ZNF385D: variants seen among roughly 807,000 people sequenced by gnomAD.
The protein encoded by ZNF385D is zinc finger protein 385D.
A neutral mutation model predicts 35.8 loss-of-function variants in ZNF385D; 15 were observed. The observed-to-expected ratio is 0.42, with a 90% CI of 0.28 to 0.64. The LOEUF (loss-of-function observed/expected upper bound fraction) is 0.64. ZNF385D is among the 30% of genes least tolerant of loss of function. ZNF385D has a pLI of 0.23. For synonymous variants in ZNF385D, 212 were observed against 186.8 expected, an observed-to-expected ratio of 1.13 and a Z score of -1.10; for missense variants, 474 against 494.6, an observed-to-expected ratio of 0.96 and a Z score of 0.39.
intron 3 of ZNF385D, among the ~76,000 whole-genome samples, chr3:22,030,256 CATATAT>C (rs71044967): frequency 0.016 from 344 of 21,700 alleles, 3 homozygotes; most frequent in South Asian, 0.02. Context: ...TAAACTCATT[CATATAT>C]ATATATATAT....
In ZNF385D at chr3:21,420,857, T is replaced by TA. The variant is rs1340833452; in HGVS notation, c.*356dup. On this transcript the variant is annotated 3_prime_UTR_variant, in exon 8 of 8. Transcript: ENST00000281523. ...ATACATTGGAACCAGTTAATGCCCT[T>TA]AGACAATGTATAGTTGTTTCATAAA... 1 of 191,274 alleles carries TA rather than the reference T, an allele frequency of 5.2e-6. No homozygotes were observed. Among genetic ancestry groups the TA allele is most frequent in the Non-Finnish European group, 1.1e-5 (1 of 91,348 alleles). The allele number at this position is 191,274 out of a possible 1,614,324, so 11.8% of individuals were successfully genotyped here.
intron 3 of ZNF385D, among the ~76,000 whole-genome samples, chr3:22,037,597 T>G (rs1698414617): frequency 6.6e-6 from 1 of 152,160 alleles, no homozygotes; most frequent in African/African-American, 2.4e-5. Context: ...CATTGTAGAT[T>G]CTGGATATTA....
chr3:22,283,381 T>A (rs1701867605), intron 2 of ZNF385D, among the ~76,000 whole-genome samples: 1 of 152,168 alleles, frequency 6.6e-6, no homozygotes, highest in South Asian at 2.1e-4. Flanking sequence ...AGAATATACA[T>A]TCTATTCAAT....
intron 3 of ZNF385D, among the ~76,000 whole-genome samples, chr3:21,930,867 A>G (rs1248958327): frequency 3.9e-5 from 6 of 152,280 alleles, no homozygotes; most frequent in Middle Eastern, 3.4e-3. Context: ...TGAGATATAC[A>G]GGAGAAAAAA....
At chr3:22,325,609 C>A (rs6787220) in intron 2 of ZNF385D, among the ~76,000 whole-genome samples, 85,962 of 151,756 alleles carry the variant, frequency 0.57, 25,116 homozygotes, top group African/African-American at 0.68. Flanking sequence ...AATTATAAAA[C>A]TCAGCCGGGC....
intron 3 of ZNF385D, among the ~76,000 whole-genome samples, chr3:22,064,489 A>G (rs935942773): frequency 6.6e-6 from 1 of 152,128 alleles, no homozygotes; most frequent in African/African-American, 2.4e-5. Flanking sequence ...CTGTATTCCT[A>G]TGTTCCTTGC....
At chr3:21,566,205 A>C (rs894747468) in intron 2 of ZNF385D, among the ~76,000 whole-genome samples, 4 of 152,196 alleles carry the variant, frequency 2.6e-5, no homozygotes, top group East Asian at 3.9e-4. Context: ...AGTAGAACTC[A>C]TGGGCGTAAT....
At chr3:22,193,111 A>C (rs998269535) in intron 2 of ZNF385D, among the ~76,000 whole-genome samples, 5 of 152,216 alleles carry the variant, frequency 3.3e-5, no homozygotes, top group African/African-American at 1.2e-4. Context: ...TAGTTATCAC[A>C]AATTAAATTT....
chr3:22,158,965 A>G lies in ZNF385D; in HGVS notation c.325+9852T>C, dbSNP rs115995251. On this transcript the variant is annotated intron_variant, in intron 3 of 5. Coordinates refer to the ZNF385D transcript ENST00000494108. ...AAGGAAAACAAAAGTTAAAAAGCTTATACTTTCAAACCTAGAAAAGCAGAG... is the reference window on the plus strand; with the variant it reads ...AAGGAAAACAAAAGTTAAAAAGCTTGTACTTTCAAACCTAGAAAAGCAGAG... 2.6e-5 allele frequency among the ~76,000 whole-genome samples: 4 copies of G among 152,236 alleles called. No individual in the cohort carries two copies. In the East Asian group the frequency reaches 7.7e-4, roughly 29 times the overall value.
intron 7 of ZNF385D, 114 bp from the exon 8 acceptor site, chr3:21,421,561 G>C (rs1421452274): frequency 7.4e-6 from 5 of 678,148 alleles, no homozygotes; most frequent in Non-Finnish European, 1.2e-5. Flanking sequence ...AAAGAAAAAA[G>C]CTTCACACTT....
chr3:21,536,288 G>T (rs1272100179), intron 3 of ZNF385D, among the ~76,000 whole-genome samples: 2 of 152,086 alleles, frequency 1.3e-5, no homozygotes, highest in African/African-American at 4.8e-5. Flanking sequence ...TAAAACTAAT[G>T]TCCATGACCA....
chr3:21,970,902 G>C (rs1004057810), intron 3 of ZNF385D, among the ~76,000 whole-genome samples: 1 of 151,890 alleles, frequency 6.6e-6, no homozygotes, highest in African/African-American at 2.4e-5. Flanking sequence ...CCAGGAGAGA[G>C]TGGCAGGGCA....
chr3:22,115,147 C>G (rs1266445113), intron 3 of ZNF385D, among the ~76,000 whole-genome samples: 4 of 152,098 alleles, frequency 2.6e-5, no homozygotes, highest in Non-Finnish European at 5.9e-5. Context: ...AGAAGTCTTT[C>G]AAGCAGACCA....
chr3:22,087,848 T>G (rs1269927227), intron 3 of ZNF385D, among the ~76,000 whole-genome samples: 2 of 152,180 alleles, frequency 1.3e-5, no homozygotes, highest in African/African-American at 4.8e-5. Context: ...TAGGAATGAT[T>G]ATCCAAAAGC....
chr3:22,167,383 G>T (rs538353073), intron 3 of ZNF385D, among the ~76,000 whole-genome samples: 1 of 152,170 alleles, frequency 6.6e-6, no homozygotes, highest in African/African-American at 2.4e-5. Flanking sequence ...TACTGGGGGA[G>T]AAACTACCCA....
At chr3:21,696,504 T>C (rs2067476141) in intron 1 of ZNF385D, among the ~76,000 whole-genome samples, 1 of 152,234 alleles carries the variant, frequency 6.6e-6, no homozygotes, top group Non-Finnish European at 1.5e-5. Context: ...CTGGCCCATA[T>C]GAGTGAAACC....
chr3:22,285,604 C>T (rs1294540871), intron 2 of ZNF385D, among the ~76,000 whole-genome samples: 1 of 152,058 alleles, frequency 6.6e-6, no homozygotes, highest in Non-Finnish European at 1.5e-5. Context: ...CATATGTATA[C>T]ATGTGCCATG....
chr3:22,163,028 C>G (rs1559418893), intron 3 of ZNF385D, among the ~76,000 whole-genome samples: 1 of 152,154 alleles, frequency 6.6e-6, no homozygotes, highest in Non-Finnish European at 1.5e-5. Context: ...ATCAGCAAAT[C>G]TGAAGCTGGA....
chr3:21,493,032 A>C (rs1705552511), intron 4 of ZNF385D, among the ~76,000 whole-genome samples: 1 of 152,074 alleles, frequency 6.6e-6, no homozygotes, highest in South Asian at 2.1e-4. Context: ...TCTGGTTAGA[A>C]TCTTGGACTA....
Sources: gnomAD v4.1 joint callset for allele counts (sites outside exome capture counted in the v4.1 genomes callset) on GRCh38, gnomAD v4.1.1 for gene constraint, MANE v1.5 for transcripts, NCBI Gene and HGNC (gene_info 2026-07-23, HGNC 2026-07-21) for gene names.